Variants in LLGL2 observed in about 807,000 individuals in gnomAD.
LLGL2 encodes LLGL scribble cell polarity complex component 2, also known as LLGL2, scribble cell polarity complex component.
Under a neutral mutation model 123.2 loss-of-function variants are expected in LLGL2, and 81 were observed. The observed-to-expected ratio is 0.66, with a 90% CI of 0.55 to 0.79. LLGL2 has a LOEUF of 0.79. Ranked by LOEUF, LLGL2 falls within the 30% of genes least tolerant of loss-of-function variation. LLGL2 has a pLI of 0.00. For missense variants in LLGL2, 1,273 were observed against 1,414.6 expected (o/e 0.90, Z 1.61); for synonymous variants, 577 against 594.1 (o/e 0.97, Z 0.42).
chr17:75,571,567 G>T lies in LLGL2; in HGVS notation c.2177-100G>T, dbSNP rs968580578. 9.3e-5 allele frequency: 80 copies of T among 857,360 alleles called. 1 individual carries two copies. In the African/African-American group the frequency reaches 1.2e-3, roughly 13 times the overall value. The allele number at this position is 857,360 out of a possible 1,614,324, so 53.1% of individuals were successfully genotyped here. ...TGTGTGGTTGTCAGAGAGCCTTCCA[G>T]CCTCTCCCAGGAGGGAAAACCTGGG... On this transcript the variant is annotated intron_variant, in intron 17 of 25. Coordinates refer to ENST00000392550, the MANE Select transcript of LLGL2 (RefSeq NM_001031803.2).
Position 75,574,913 on chromosome 17 carries a change from A to C in LLGL2, c.*35A>C, listed in dbSNP as rs1458737689. 1 of 1,613,674 alleles carries C rather than the reference A, an allele frequency of 6.2e-7. No homozygotes were observed. Among genetic ancestry groups the C allele is most frequent in the Admixed American group, 1.7e-5 (1 of 59,990 alleles). On this transcript the variant is annotated 3_prime_UTR_variant, in exon 26 of 26. Transcript: ENST00000392550. Reference sequence around the variant, plus strand: ...CGTCCAGGCTGCGCGATGAGCACACACTACTACTGATGGCCTTTCGGGGGT... The same window carrying C: ...CGTCCAGGCTGCGCGATGAGCACACCCTACTACTGATGGCCTTTCGGGGGT...
intron 2 of LLGL2, 82 bp from the exon 3 acceptor site, chr17:75,555,964 C>T (rs1453375866): frequency 1.9e-5 from 20 of 1,059,510 alleles, no homozygotes; most frequent in Admixed American, 1.4e-4. Flanking sequence ...CCTGCTGGGT[C>T]GTCTGGTGCT....
At chr17:75,537,263 A>G (rs2054038882) in intron 1 of LLGL2, among the ~76,000 whole-genome samples, 3 of 152,304 alleles carry the variant, frequency 2.0e-5, no homozygotes, top group Admixed American at 1.3e-4. Context: ...GGAGACATGC[A>G]TGAGCCTGGG....
intron 6 of LLGL2, chr17:75,562,655 G>A (rs188942933): frequency 1.4e-4 from 36 of 251,214 alleles, no homozygotes; most frequent in African/African-American, 7.0e-4. Flanking sequence ...TGCAACCTCC[G>A]CCTCCTGGGT....
At chr17:75,533,277 G>A (rs2053875406) in intron 1 of LLGL2, among the ~76,000 whole-genome samples, 1 of 146,304 alleles carries the variant, frequency 6.8e-6, no homozygotes, top group Non-Finnish European at 1.5e-5. Flanking sequence ...GGGATTACAG[G>A]CGTGAGCCAC....
intron 10 of LLGL2, among the ~76,000 whole-genome samples, chr17:75,566,291 A>T (rs1036131353): frequency 1.3e-5 from 2 of 152,200 alleles, no homozygotes; most frequent in African/African-American, 4.8e-5. Flanking sequence ...GGGTGCCATG[A>T]TCTAGCCTCT....
At chr17:75,536,334 G>A (rs759655042) in intron 1 of LLGL2, among the ~76,000 whole-genome samples, 1 of 152,146 alleles carries the variant, frequency 6.6e-6, no homozygotes, top group Non-Finnish European at 1.5e-5. Flanking sequence ...TCACTTAAGT[G>A]CACAGCACCT....
chr17:75,541,472 A>C, intron 1 of LLGL2, among the ~76,000 whole-genome samples: 1 of 151,354 alleles, frequency 6.6e-6, no homozygotes, highest in Non-Finnish European at 1.5e-5. Context: ...TGTTCTCTGA[A>C]CCCCCTTGGG....
intron 17 of LLGL2, 117 bp downstream of exon 17, chr17:75,571,217 C>T: frequency 9.9e-7 from 1 of 1,014,664 alleles, no homozygotes. Flanking sequence ...GAGGTTTCCC[C>T]TTGTGAGCAG....
rs761064960 is a variant in LLGL2 at position 75,570,397 on chromosome 17, C to T, written c.1924C>T (p.Arg642Cys). 6.2e-6 allele frequency: 10 copies of T among 1,610,650 alleles called. No individual in the cohort carries two copies. Among genetic ancestry groups the T allele is most frequent in the South Asian group, 1.1e-5 (1 of 90,456 alleles). The stretch of plus-strand genomic sequence containing the variant: ...GCTGGCCTTGGAGGGCCCACTCTCC[C>T]GCGTCAAGTCCCTCAAGAAGTCCTT... ...DQLALEGPLS[R>C]VKSLKKSLRQ... Residue 642 changes from arginine (R) to cysteine (C), a missense_variant, in exon 16 of 26, where the codon CGC becomes TGC. By Grantham distance (180) the Arg-to-Cys change is radical. Coordinates refer to ENST00000392550, the MANE Select transcript of LLGL2 (RefSeq NM_001031803.2).
intron 1 of LLGL2, among the ~76,000 whole-genome samples, chr17:75,526,630 C>A (rs893450272): frequency 4.0e-5 from 6 of 151,848 alleles, no homozygotes; most frequent in African/African-American, 1.5e-4. Context: ...GTGAGGAGGG[C>A]GCCCCTTCCC....
chr17:75,569,043 T>C lies in LLGL2; in HGVS notation c.1388T>C (p.Leu463Pro). 1.2e-6 allele frequency: 2 copies of C among 1,612,808 alleles called. No homozygotes were observed. Among genetic ancestry groups the C allele is most frequent in the Non-Finnish European group, 1.7e-6 (2 of 1,179,666 alleles). ...GTCTGCCTGCGGCTGCTCTACAAAC[T>C]CAGCACTGTGCGCGTGTTCCTCACC... ...SGVCLRLLYK[L>P]STVRVFLTDT... Residue 463 changes from leucine to proline, a missense_variant, in exon 13 of 26, where the codon CTC becomes CCC. Physicochemically the swap from Leu to Pro is moderately conservative, Grantham distance 98 (BLOSUM62 -3). Coordinates refer to ENST00000392550, the MANE Select transcript of LLGL2 (RefSeq NM_001031803.2).
At chr17:75,534,656 T>G (rs1043963158) in intron 1 of LLGL2, among the ~76,000 whole-genome samples, 1 of 151,980 alleles carries the variant, frequency 6.6e-6, no homozygotes, top group East Asian at 1.9e-4. Flanking sequence ...AATTTTTAAG[T>G]TTTTTGCTGA....
chr17:75,574,110 G>A (rs1568082297), intron 22 of LLGL2, 103 bp from the exon 23 acceptor site: 2 of 1,539,012 alleles, frequency 1.3e-6, no homozygotes, highest in African/African-American at 1.4e-5. Flanking sequence ...ATTCCTTCCA[G>A]CCCTGGGCCC....
chr17:75,536,903 C>T (rs2054022939), intron 1 of LLGL2, among the ~76,000 whole-genome samples: 1 of 152,122 alleles, frequency 6.6e-6, no homozygotes, highest in Non-Finnish European at 1.5e-5. Flanking sequence ...TCTGGGCTCA[C>T]TGCAACTTCC....
chr17:75,565,211 A>G (rs2055393179), intron 10 of LLGL2, among the ~76,000 whole-genome samples: 1 of 152,230 alleles, frequency 6.6e-6, no homozygotes, highest in Non-Finnish European at 1.5e-5. Flanking sequence ...GAGCTCCAGC[A>G]GGACCGGCAG....
At chr17:75,530,888 G>A (rs2053761745) in intron 1 of LLGL2, among the ~76,000 whole-genome samples, 1 of 152,194 alleles carries the variant, frequency 6.6e-6, no homozygotes, top group Non-Finnish European at 1.5e-5. Context: ...CAGCAGTGGA[G>A]GGCGCGGCTT....
Position 75,562,987 on chromosome 17 carries a change from C to A in LLGL2, c.531-29C>A, listed in dbSNP as rs201910049. ...GGCCATTCCCCCTGGTGGACGGCAT[C>A]GGAGGCTCACGGCACTCCCCTCGCC... On this transcript the variant is annotated intron_variant, in intron 6 of 25. Coordinates refer to ENST00000392550, the MANE Select transcript of LLGL2 (RefSeq NM_001031803.2). 4.0e-4 allele frequency: 638 copies of A among 1,607,024 alleles called. 2 individuals are homozygous for A. In the Middle Eastern group the frequency reaches 5.8e-3, roughly 15 times the overall value.
intron 1 of LLGL2, among the ~76,000 whole-genome samples, chr17:75,540,554 G>C (rs1441364816): frequency 6.6e-6 from 1 of 152,230 alleles, no homozygotes; most frequent in Non-Finnish European, 1.5e-5. Context: ...CCAGGCCCCA[G>C]ACTGCCGGGT....
Sources: gnomAD v4.1 joint callset for allele counts (sites outside exome capture counted in the v4.1 genomes callset) on GRCh38, gnomAD v4.1.1 for gene constraint, MANE v1.5 for transcripts, NCBI Gene and HGNC (gene_info 2026-07-23, HGNC 2026-07-21) for gene names.